The following DACH1 variants were observed in gnomAD, a reference collection of about 807,000 sequenced individuals.
The protein encoded by DACH1 is dachshund family transcription factor 1, also known as dachshund homolog 1.
DACH1 carries 12 observed loss-of-function variants against 54.2 expected under a neutral mutation model. That is an observed-to-expected ratio of 0.22 (90% CI 0.14 to 0.36). The LOEUF is 0.36. Among genes scored for constraint, DACH1 ranks in the 10% least tolerant of loss-of-function variants. The pLI is 1.00. For synonymous variants in DACH1, 386 were observed against 366.2 expected (o/e 1.05, Z -0.62); for missense variants, 805 against 929.8 (o/e 0.87, Z 1.75).
chr13:71,776,444 G>T (rs1032141534), intron 1 of DACH1, among the ~76,000 whole-genome samples: 2 of 151,822 alleles, frequency 1.3e-5, no homozygotes, highest in Non-Finnish European at 2.9e-5. Flanking sequence ...AAATAGTATG[G>T]TATTATAACT....
chr13:71,668,540 A>G (rs887536125), intron 2 of DACH1, among the ~76,000 whole-genome samples: 4 of 152,148 alleles, frequency 2.6e-5, no homozygotes, highest in African/African-American at 4.8e-5. Flanking sequence ...ATAGACAAAA[A>G]CAAATCAATG....
intron 6 of DACH1, among the ~76,000 whole-genome samples, chr13:71,525,650 TTAAG>T (rs1177179227): frequency 6.6e-6 from 1 of 152,180 alleles, no homozygotes; most frequent in East Asian, 1.9e-4. Flanking sequence ...AATGGTTTCT[TTAAG>T]TATTTGTCAG....
At chr13:71,691,394 T>A (rs1009166023) in intron 1 of DACH1, among the ~76,000 whole-genome samples, 7 of 152,234 alleles carry the variant, frequency 4.6e-5, no homozygotes, top group African/African-American at 1.7e-4. Context: ...TTTAATACTT[T>A]GACAAACTTT....
At chr13:71,686,135 T>C (rs1881148839) in intron 1 of DACH1, among the ~76,000 whole-genome samples, 1 of 152,206 alleles carries the variant, frequency 6.6e-6, no homozygotes, top group Admixed American at 6.5e-5. Context: ...CTCACTTAAA[T>C]AATTACACTT....
intron 3 of DACH1, among the ~76,000 whole-genome samples, chr13:71,602,519 C>T (rs1042395327): frequency 3.3e-5 from 5 of 151,862 alleles, no homozygotes; most frequent in East Asian, 1.9e-4. Flanking sequence ...CTGCTTTGTC[C>T]GCCATGGGAG....
At chr13:71,595,883 A>G (rs776448835) in intron 3 of DACH1, among the ~76,000 whole-genome samples, 21 of 152,180 alleles carry the variant, frequency 1.4e-4, no homozygotes, top group Admixed American at 2.0e-4. Context: ...AGGTTTCAAC[A>G]TGAATGCTGC....
intron 10 of DACH1, among the ~76,000 whole-genome samples, chr13:71,455,602 G>T (rs1485466619): frequency 6.6e-6 from 1 of 152,056 alleles, no homozygotes; most frequent in African/African-American, 2.4e-5. Context: ...CACGTAACTA[G>T]ATGGACTGCG....
At chr13:71,479,762 C>T (rs1877873341) in intron 7 of DACH1, among the ~76,000 whole-genome samples, 1 of 152,118 alleles carries the variant, frequency 6.6e-6, no homozygotes, top group Non-Finnish European at 1.5e-5. Context: ...TTCTCCCACT[C>T]CCTACCATGA....
At position 71,489,042 on chromosome 13, in the gene DACH1, A is replaced by C. The variant is rs749558641; in HGVS notation, c.1677T>G (p.Phe559Leu). The C allele has an allele frequency of 6.2e-7, 1 of 1,613,870 alleles. No individual in the cohort carries two copies. The highest frequency in any genetic ancestry group is 8.5e-7 in the Non-Finnish European group (1 of 1,179,844). Residue 559 changes from phenylalanine (F) to leucine (L), a missense_variant, in exon 7 of 11, where the codon TTT (phenylalanine) becomes TTG (leucine). Phe to Leu is a conservative substitution (Grantham distance 22). Around this residue, in one of 3 missense-constraint regions of DACH1, gnomAD observed 472 missense variants for 545.3 expected, o/e 0.87. Coordinates refer to ENST00000613252, the MANE Select transcript of DACH1 (RefSeq NM_080759.6). ...LPPGFPSPFL[F>L]PDGLSSIETL... is the part of the protein sequence containing the mutation. ...TCTCGATGGAAGACAGTCCATCAGG[A>C]AACAGAAAAGGAGATGGAAAACCTG...
chr13:71,505,006 T>C (rs952676693), intron 6 of DACH1, among the ~76,000 whole-genome samples: 1 of 152,194 alleles, frequency 6.6e-6, no homozygotes, highest in Non-Finnish European at 1.5e-5. Flanking sequence ...TGTGTACACT[T>C]AACTCAGTTT....
intron 3 of DACH1, among the ~76,000 whole-genome samples, chr13:71,619,098 TTA>T (rs983664853): frequency 8.0e-5 from 12 of 150,854 alleles, no homozygotes; most frequent in Non-Finnish European, 1.0e-4. Context: ...TAATTCTGTT[TTA>T]TATATATATG....
At chr13:71,799,273 G>A (rs1887190645) in intron 1 of DACH1, among the ~76,000 whole-genome samples, 1 of 152,074 alleles carries the variant, frequency 6.6e-6, no homozygotes, top group Admixed American at 6.6e-5. Flanking sequence ...ATGCTGGTAT[G>A]TCTTATTTTA....
At chr13:71,554,059 A>G (rs572513583) in intron 6 of DACH1, among the ~76,000 whole-genome samples, 56 of 152,130 alleles carry the variant, frequency 3.7e-4, no homozygotes, top group Non-Finnish European at 6.6e-4. Context: ...ATCTATCTCT[A>G]AATGAAGTTA....
intron 2 of DACH1, among the ~76,000 whole-genome samples, chr13:71,679,852 C>T (rs567130130): frequency 6.7e-6 from 1 of 150,162 alleles, no homozygotes; most frequent in Non-Finnish European, 1.5e-5. Flanking sequence ...CGTAGTGGCA[C>T]ATGCCCGTGA....
At chr13:71,821,269 T>C (rs1888174061) in intron 1 of DACH1, among the ~76,000 whole-genome samples, 1 of 152,126 alleles carries the variant, frequency 6.6e-6, no homozygotes, top group African/African-American at 2.4e-5. Context: ...GAAAAATGAC[T>C]TACTCTATCC....
intron 1 of DACH1, among the ~76,000 whole-genome samples, chr13:71,759,649 G>C (rs1382895421): frequency 6.6e-6 from 1 of 152,152 alleles, no homozygotes; most frequent in Non-Finnish European, 1.5e-5. Flanking sequence ...AGATTTGTTT[G>C]TGAAACATGC....
chr13:71,493,725 C>T (rs998951709), intron 6 of DACH1, among the ~76,000 whole-genome samples: 1 of 152,064 alleles, frequency 6.6e-6, no homozygotes, highest in African/African-American at 2.4e-5. Flanking sequence ...TAAAATTCCA[C>T]ATTTTCTAAT....
In DACH1 at chr13:71,615,735, T is replaced by C. The variant is rs145862590; in HGVS notation, c.1126+14821A>G. Among the ~76,000 whole-genome samples the C allele has an allele frequency of 2.4e-4, 37 of 152,276 alleles. No individual in the cohort carries two copies. The East Asian group carries it at 6.6e-3, about 27-fold the overall frequency. ...ATAAGAAATGAATGTTGAGGGCATG[T>C]AGAGGAGGCAATATTCTATATGATT... On this transcript the variant is annotated intron_variant, in intron 3 of 10. Transcript: ENST00000613252.
intron 1 of DACH1, among the ~76,000 whole-genome samples, chr13:71,736,491 T>C (rs966816437): frequency 1.6e-4 from 25 of 152,050 alleles, no homozygotes; most frequent in African/African-American, 4.8e-4. Flanking sequence ...TTTTAAAATA[T>C]ATATATAAAT....
Sources: gnomAD v4.1 joint callset for allele counts (sites outside exome capture counted in the v4.1 genomes callset) on GRCh38, gnomAD v4.1.1 for gene constraint, gnomAD v4.1.1 regional missense constraint, MANE v1.5 for transcripts, NCBI Gene and HGNC (gene_info 2026-07-23, HGNC 2026-07-21) for gene names.